CDH4: variants seen among roughly 807,000 people sequenced by gnomAD.
CDH4 encodes cadherin 4, also known as cadherin-4.
Under a neutral mutation model 86.0 loss-of-function variants are expected in CDH4, and 33 were observed. The ratio of observed to expected loss-of-function variants is 0.38; its 90% CI spans 0.29 to 0.51. The LOEUF (loss-of-function observed/expected upper bound fraction) is 0.51, where lower values mean the gene tolerates loss of function less well. CDH4 is among the 20% of genes least tolerant of loss of function. The pLI is 0.86. For missense variants in CDH4, 1,114 were observed against 1,307.4 expected (o/e 0.85, Z 2.28); for synonymous variants, 555 against 549.4 (o/e 1.01, Z -0.14).
chr20:61,344,465 G>A (rs536096620), intron 2 of CDH4, among the ~76,000 whole-genome samples: 4 of 152,276 alleles, frequency 2.6e-5, no homozygotes, highest in African/African-American at 9.6e-5. Flanking sequence ...TATAAATTAT[G>A]GTTGTTAACA....
chr20:61,931,756 G>A (rs2055113187), intron 13 of CDH4, among the ~76,000 whole-genome samples: 1 of 152,194 alleles, frequency 6.6e-6, no homozygotes, highest in Non-Finnish European at 1.5e-5. Flanking sequence ...GAGCAAGGCT[G>A]TTTAGGGGAG....
intron 2 of CDH4, among the ~76,000 whole-genome samples, chr20:61,581,717 C>G (rs1400402778): frequency 6.6e-6 from 1 of 152,220 alleles, no homozygotes; most frequent in Admixed American, 6.5e-5. Context: ...CCGACTGCAT[C>G]AGCTCTGCCA....
Position 61,773,145 on chromosome 20 carries a change from A to G in CDH4, c.539A>G (p.Glu180Gly). 6.3e-7 allele frequency: 1 copy of G among 1,599,934 alleles called. No individual in the cohort carries two copies. The highest frequency in any genetic ancestry group is 8.5e-7 in the Non-Finnish European group (1 of 1,173,620). ...GTCATCCCGCCCATCAACGTGCCCGAGAACTCGCGCGGGCCCTTCCCGCAG... is the reference window on the plus strand; with the variant it reads ...GTCATCCCGCCCATCAACGTGCCCGGGAACTCGCGCGGGCCCTTCCCGCAG... The part of the protein sequence containing the change: ...DWVIPPINVP[E>G]NSRGPFPQQL... Residue 180 changes from glutamate to glycine, a missense_variant, in exon 4 of 16, where the codon GAG becomes GGG. This residue lies in a region of CDH4 where 705 missense variants were observed against 914.1 expected (regional missense o/e 0.77). Transcript: ENST00000614565.
intron 3 of CDH4, among the ~76,000 whole-genome samples, chr20:61,760,526 G>C (rs145010846): frequency 3.9e-5 from 6 of 152,240 alleles, no homozygotes; most frequent in African/African-American, 1.4e-4. Flanking sequence ...GCAGCATGAC[G>C]CTGGGCAGGT....
At chr20:61,444,347 CTG>C (rs1222059328) in intron 2 of CDH4, among the ~76,000 whole-genome samples, 5 of 4,620 alleles carry the variant, frequency 1.1e-3, no homozygotes, top group South Asian at 5.7e-3. Flanking sequence ...CTGTGTGTGT[CTG>C]TGTATATTTT....
rs1172730443 is a variant in CDH4 at position 61,576,496 on chromosome 20, C to A, written c.170-167067C>A. 2.0e-5 allele frequency among the ~76,000 whole-genome samples: 3 copies of A among 152,228 alleles called. No individual in the cohort carries two copies. The East Asian group carries it at 5.8e-4, about 29-fold the overall frequency. On this transcript the variant is annotated intron_variant, in intron 2 of 15. Transcript: ENST00000614565. Reference sequence around the variant, plus strand: ...CATCTCACCAGGATCTAGGACAGCACCTGGCTTGGAGTAGGAGTAGGCTGG... The same window carrying A: ...CATCTCACCAGGATCTAGGACAGCAACTGGCTTGGAGTAGGAGTAGGCTGG...
intron 2 of CDH4, among the ~76,000 whole-genome samples, chr20:61,293,443 C>T (rs947035245): frequency 1.3e-5 from 2 of 152,046 alleles, no homozygotes; most frequent in South Asian, 2.1e-4. Flanking sequence ...CCCAGGTGCC[C>T]GGCAGGCGTG....
At chr20:61,661,110 G>T (rs928710742) in intron 2 of CDH4, among the ~76,000 whole-genome samples, 8 of 140,128 alleles carry the variant, frequency 5.7e-5, no homozygotes, top group African/African-American at 2.1e-4. Flanking sequence ...ACAGTGCCAG[G>T]CTCATGCCAG....
chr20:61,312,556 C>T (rs1207232376), intron 2 of CDH4, among the ~76,000 whole-genome samples: 1 of 152,096 alleles, frequency 6.6e-6, no homozygotes, highest in Non-Finnish European at 1.5e-5. Flanking sequence ...CCTGCAGTCC[C>T]CACCATCAGG....
At position 61,708,708 on chromosome 20, in the gene CDH4, C is replaced by T. The variant is rs1428626259; in HGVS notation, c.170-34855C>T. The stretch of plus-strand genomic sequence containing the variant: ...AAATGCTGCCTTCTCCGGGGAGGCC[C>T]CATCCTCCCCAGCCTCACATGAGGC... On this transcript the variant is annotated intron_variant, in intron 2 of 15. Transcript: ENST00000614565. This position sits in a 1 kb window ranked among gnomAD's most constrained non-coding sequence, Gnocchi z 4.5. Among the ~76,000 whole-genome samples, 1 of 152,174 alleles carries T rather than the reference C, an allele frequency of 6.6e-6. No homozygotes were observed. The highest frequency in any genetic ancestry group is 1.5e-5 in the Non-Finnish European group (1 of 68,030).
At position 61,560,808 on chromosome 20, in the gene CDH4, C is replaced by T. The variant is rs149459088; in HGVS notation, c.170-182755C>T. 3.7e-3 allele frequency among the ~76,000 whole-genome samples: 571 copies of T among 152,326 alleles called. 3 individuals are homozygous for T. The highest frequency in any genetic ancestry group is 0.013 in the African/African-American group (527 of 41,578). ...CCTGGGGGCCCTCAGTCTGTCCATCCGGGGATAGTCCTGGCCTTCGCAGCG... is the reference window on the plus strand; with the variant it reads ...CCTGGGGGCCCTCAGTCTGTCCATCTGGGGATAGTCCTGGCCTTCGCAGCG... On this transcript the variant is annotated intron_variant, in intron 2 of 15. Transcript: ENST00000614565.
At chr20:61,865,689 T>C (rs2185835) in intron 6 of CDH4, among the ~76,000 whole-genome samples, 85,664 of 151,380 alleles carry the variant, frequency 0.57, 24,714 homozygotes, top group Non-Finnish European at 0.63. Flanking sequence ...GCTGTCTTCC[T>C]GGCTGGTTTG....
chr20:61,687,050 G>T (rs912194346), intron 2 of CDH4, among the ~76,000 whole-genome samples: 2 of 151,172 alleles, frequency 1.3e-5, no homozygotes, highest in Non-Finnish European at 2.9e-5. Context: ...TCTCTGCTCC[G>T]AAGATTTCCA....
chr20:61,552,379 TAGTA>T (rs1250818942), intron 2 of CDH4, among the ~76,000 whole-genome samples: 1 of 152,174 alleles, frequency 6.6e-6, no homozygotes, highest in Non-Finnish European at 1.5e-5. Context: ...GTAACGTCAT[TAGTA>T]AGTAGGAAAA....
At chr20:61,935,710 A>AC (rs56687656) in intron 15 of CDH4, among the ~76,000 whole-genome samples, 2,189 of 152,070 alleles carry the variant, frequency 0.014, 57 homozygotes, top group African/African-American at 0.048. Context: ...ACATGGTGAG[A>AC]CCCCCGTCTC....
chr20:61,307,835 C>T (rs1442403618), intron 2 of CDH4, among the ~76,000 whole-genome samples: 4 of 152,198 alleles, frequency 2.6e-5, no homozygotes, highest in Non-Finnish European at 5.9e-5. Flanking sequence ...GTGGAGCCAG[C>T]CGGGCTCCAC....
intron 11 of CDH4, among the ~76,000 whole-genome samples, chr20:61,926,546 G>A (rs2055046686): frequency 1.3e-5 from 2 of 152,304 alleles, no homozygotes; most frequent in Admixed American, 1.3e-4. Flanking sequence ...GTCCCCTGCC[G>A]CAGCTCAAGC....
intron 2 of CDH4, among the ~76,000 whole-genome samples, chr20:61,483,782 G>A (rs1338993587): frequency 6.7e-6 from 1 of 149,434 alleles, no homozygotes; most frequent in Non-Finnish European, 1.5e-5. Context: ...GGTGACCCCA[G>A]GCAAGACTTG....
chr20:61,496,079 A>C (rs1299075762), intron 2 of CDH4, among the ~76,000 whole-genome samples: 1 of 151,956 alleles, frequency 6.6e-6, no homozygotes, highest in African/African-American at 2.4e-5. Context: ...GGAATTGAAC[A>C]ACGGACATCT....
Sources: allele counts gnomAD v4.1 joint callset (sites outside exome capture counted in the v4.1 genomes callset), GRCh38; gene constraint gnomAD v4.1.1; regional missense constraint gnomAD v4.1.1; non-coding constraint Gnocchi (gnomAD v3.1); transcripts MANE v1.5; gene names NCBI Gene and HGNC (gene_info 2026-07-23, HGNC 2026-07-21).